DIP2A: variants seen among roughly 807,000 people sequenced by gnomAD.
DIP2A encodes the protein DIP2 acetate--CoA ligase A.
In DIP2A, 85 loss-of-function variants were observed where a neutral mutation model predicts 177.4. That is an observed-to-expected ratio of 0.48 (90% CI 0.40 to 0.57). The LOEUF is 0.57. DIP2A is among the 20% of genes least tolerant of loss of function. The probability of loss-of-function intolerance (pLI) is 0.00; values close to 1 mark genes in which losing one functional copy is unlikely to be tolerated. For missense variants in DIP2A, 1,791 were observed against 2,100.2 expected (o/e 0.85, Z 2.88); for synonymous variants, 886 against 881.8 (o/e 1.00, Z -0.08).
At chr21:46,528,359 A>G (rs1324641875) in intron 8 of DIP2A, among the ~76,000 whole-genome samples, 2 of 152,046 alleles carry the variant, frequency 1.3e-5, no homozygotes, top group East Asian at 1.9e-4. Flanking sequence ...TATTTAACGT[A>G]ATGAAAATCC....
chr21:46,581,808 G>C, the DIP2A span, among the ~76,000 whole-genome samples: 18 of 152,304 alleles, frequency 1.2e-4, no homozygotes, highest in South Asian at 2.5e-3. Flanking sequence ...ATGGCTGCCT[G>C]ATCCTTCCTC....
At chr21:46,482,561 T>C (rs1284621847) in intron 1 of DIP2A, among the ~76,000 whole-genome samples, 1 of 152,226 alleles carries the variant, frequency 6.6e-6, no homozygotes, top group Non-Finnish European at 1.5e-5. Flanking sequence ...CCTATTATAT[T>C]TTAAAAATGT....
At chr21:46,565,261 G>A (rs2060800366) in intron 35 of DIP2A, among the ~76,000 whole-genome samples, 1 of 152,366 alleles carries the variant, frequency 6.6e-6, no homozygotes, top group African/African-American at 2.4e-5. Flanking sequence ...TGGGGCTGAC[G>A]TTAACCCTGG....
Position 46,504,463 on chromosome 21 carries a change from G to T in DIP2A, c.758G>T (p.Ser253Ile), listed in dbSNP as rs1317712653. 2 of 1,611,826 alleles carry T rather than the reference G, an allele frequency of 1.2e-6. No individual in the cohort carries two copies. Among genetic ancestry groups the T allele is most frequent in the Admixed American group, 3.3e-5 (2 of 59,900 alleles). ...GTGAGAAGTGTTCCTCGGGGGTGCA[G>T]CGGGAGCATGCTGGAAACAGCAGAT... ...ASVRSVPRGCSGSMLETADGV... is the reference protein window; with the variant it reads ...ASVRSVPRGCIGSMLETADGV... Residue 253 changes from serine to isoleucine, a missense_variant, in exon 6 of 38, where the codon AGC becomes ATC. Ser to Ile is a moderately radical substitution (Grantham distance 142). Coordinates refer to ENST00000417564, the MANE Select transcript of DIP2A (RefSeq NM_015151.4).
chr21:46,520,285 A>G (rs1297592087), intron 8 of DIP2A, among the ~76,000 whole-genome samples: 1 of 151,988 alleles, frequency 6.6e-6, no homozygotes, highest in Non-Finnish European at 1.5e-5. Context: ...AAAACAAAAC[A>G]AAGAATCAGC....
chr21:46,571,993 T>A (rs1261419965), downstream of DIP2A, among the ~76,000 whole-genome samples: 1 of 152,192 alleles, frequency 6.6e-6, no homozygotes, highest in Non-Finnish European at 1.5e-5. Context: ...TCAAAGGGAA[T>A]CCTTCCTAGT....
At chr21:46,515,942 C>T (rs1463597159) in intron 8 of DIP2A, among the ~76,000 whole-genome samples, 3 of 152,144 alleles carry the variant, frequency 2.0e-5, no homozygotes, top group African/African-American at 4.8e-5. Flanking sequence ...GTAATCATTT[C>T]CTTCTGGCCT....
At chr21:46,482,223 A>G (rs13049102) in intron 1 of DIP2A, among the ~76,000 whole-genome samples, 47 of 152,374 alleles carry the variant, frequency 3.1e-4, no homozygotes, top group Admixed American at 7.2e-4. Context: ...TTAAAGCATG[A>G]TAAGGGAGTA....
At position 46,556,344 on chromosome 21, in the gene DIP2A, G is replaced by A; in HGVS notation, c.3498+253G>A. ...ATGACTGTCTAGCTTACAGGAACTG[G>A]TGGCTTTGAAGAATCTCTTACCTTG... On this transcript the variant is annotated intron_variant, in intron 29 of 37. Coordinates refer to ENST00000417564, the MANE Select transcript of DIP2A (RefSeq NM_015151.4). The surrounding 1 kb of genome is among the most constrained non-coding windows in gnomAD (Gnocchi z 4.5). 6.9e-7 allele frequency: 1 copy of A among 1,444,410 alleles called. No individual in the cohort carries two copies. Among genetic ancestry groups the A allele is most frequent in the South Asian group, 1.2e-5 (1 of 82,240 alleles). 89.5% of individuals were successfully genotyped at this position (1,444,410 alleles called of 1,614,324 possible).
chr21:46,527,625 C>T (rs1373566031), intron 8 of DIP2A, among the ~76,000 whole-genome samples: 2 of 151,662 alleles, frequency 1.3e-5, no homozygotes, highest in Admixed American at 1.3e-4. Context: ...CGTGCCCAGT[C>T]TAGTATTTTT....
chr21:46,567,893 G>A lies in DIP2A; in HGVS notation c.*271G>A. 1 of 377,184 alleles carries A rather than the reference G, an allele frequency of 2.7e-6. No individual in the cohort carries two copies. The highest frequency in any genetic ancestry group is 4.7e-6 in the Non-Finnish European group (1 of 213,902). 23.4% of individuals were successfully genotyped at this position (377,184 alleles called of 1,614,324 possible). On this transcript the variant is annotated 3_prime_UTR_variant, in exon 38 of 38. Transcript: ENST00000417564. Reference sequence around the variant, plus strand: ...GAAAGGAAAGGAAAGGCCTGGCATGGGCATTGTGAGGAATCACAGGCACCG... The same window carrying A: ...GAAAGGAAAGGAAAGGCCTGGCATGAGCATTGTGAGGAATCACAGGCACCG...
In DIP2A at chr21:46,565,772, G is replaced by C; in HGVS notation, c.4224G>C (p.Ala1408=). 6.2e-7 allele frequency: 1 copy of C among 1,613,942 alleles called. No individual in the cohort carries two copies. Residue 1408 remains alanine, a synonymous_variant, in exon 36 of 38, where the codon GCG becomes GCC. Transcript: ENST00000417564. ...ACTACACCGTTTACGGGGAGGAGGC[G>C]CTTCATGCCGACCACTTCAGTGCCC... ...TGYYTVYGEE[A]LHADHFSARL...
chr21:46,524,112 A>G (rs2058955719), intron 8 of DIP2A, among the ~76,000 whole-genome samples: 1 of 152,228 alleles, frequency 6.6e-6, no homozygotes, highest in Non-Finnish European at 1.5e-5. Flanking sequence ...CCCATGTTCC[A>G]TGATCCTGTA....
intron 1 of DIP2A, among the ~76,000 whole-genome samples, chr21:46,465,477 G>A (rs1394668016): frequency 1.3e-5 from 2 of 152,188 alleles, no homozygotes; most frequent in Non-Finnish European, 2.9e-5. Context: ...GGGAGGCTGA[G>A]GCAGGAGAAT....
rs1416432753 is a variant in DIP2A, at chr21:46,566,649, T to C, written c.4429T>C (p.Ser1477Pro). 1.2e-6 allele frequency: 2 copies of C among 1,614,098 alleles called. No homozygotes were observed. The highest frequency in any genetic ancestry group is 1.7e-6 in the Non-Finnish European group (2 of 1,180,034). ...MRYHPIDIETSVIRAHRSIAE... is the reference protein window; with the variant it reads ...MRYHPIDIETPVIRAHRSIAE... ...GTACCACCCCATCGACATTGAGACCTCTGTCATCCGAGCACACAGGAGCAT... is the reference window on the plus strand; with the variant it reads ...GTACCACCCCATCGACATTGAGACCCCTGTCATCCGAGCACACAGGAGCAT... The change falls in exon 37 of 38, where the codon TCT becomes CCT. Residue 1477 changes from serine to proline, a missense_variant. Transcript: ENST00000417564.
intron 1 of DIP2A, among the ~76,000 whole-genome samples, chr21:46,466,464 T>A (rs1294719116): frequency 6.8e-6 from 1 of 147,094 alleles, no homozygotes; most frequent in Non-Finnish European, 1.5e-5. Context: ...TTCTCCTACC[T>A]CAGCCTCCTG....
chr21:46,465,691 T>TA (rs1568896926), intron 1 of DIP2A, among the ~76,000 whole-genome samples: 1 of 151,606 alleles, frequency 6.6e-6, no homozygotes, highest in East Asian at 1.9e-4. Context: ...CTTGCAGTTT[T>TA]AAAAAAACAA....
chr21:46,557,638 A>G lies in DIP2A; in HGVS notation c.3683A>G (p.Asn1228Ser). Reference protein sequence around the residue: ...VLVPPLELESNVSLWLSAVSQ... With the variant: ...VLVPPLELESSVSLWLSAVSQ... ...GTGCCCCCGCTGGAGCTGGAGAGCA[A>G]CGTGTCCCTGTGGCTGTCGGCCGTC... The change falls in exon 31 of 38, where the codon AAC becomes AGC. Residue 1228 changes from asparagine (N) to serine (S), a missense_variant. Coordinates refer to ENST00000417564, the MANE Select transcript of DIP2A (RefSeq NM_015151.4). The surrounding 1 kb of genome is among the most constrained non-coding windows in gnomAD (Gnocchi z 6.0). The G allele has an allele frequency of 6.2e-7, 1 of 1,613,414 alleles. No homozygotes were observed. Among genetic ancestry groups the G allele is most frequent in the Non-Finnish European group, 8.5e-7 (1 of 1,179,794 alleles).
At position 46,550,679 on chromosome 21, in the gene DIP2A, G is replaced by A; in HGVS notation, c.2774G>A (p.Cys925Tyr). The A allele has an allele frequency of 6.2e-7, 1 of 1,614,036 alleles. No homozygotes were observed. The highest frequency in any genetic ancestry group is 8.5e-7 in the Non-Finnish European group (1 of 1,179,896). ...QRFLEGTLHPCNVLMCPHTCV... is the reference protein window; with the variant it reads ...QRFLEGTLHPYNVLMCPHTCV... The stretch of plus-strand genomic sequence containing the variant: ...TTTCTGGAAGGGACGCTGCACCCGT[G>A]TAATGTGCTGATGTGCCCTCACACC... Residue 925 changes from cysteine to tyrosine, a missense_variant, in exon 23 of 38, where the codon TGT (cysteine) becomes TAT (tyrosine). Transcript: ENST00000417564.
Sources: gnomAD v4.1 joint callset for allele counts (sites outside exome capture counted in the v4.1 genomes callset) on GRCh38, gnomAD v4.1.1 for gene constraint, Gnocchi (gnomAD v3.1) non-coding constraint, MANE v1.5 for transcripts, NCBI Gene and HGNC (gene_info 2026-07-23, HGNC 2026-07-21) for gene names.